The following NUBPL variants were observed in gnomAD, a reference collection of about 807,000 sequenced individuals.
NUBPL encodes the protein NUBP iron-sulfur cluster assembly factor, mitochondrial.
Under a neutral mutation model 45.7 loss-of-function variants are expected in NUBPL, and 31 were observed. The ratio of observed to expected loss-of-function variants is 0.68; its 90% CI spans 0.51 to 0.92. The LOEUF (loss-of-function observed/expected upper bound fraction) is 0.92. Ranked by LOEUF, NUBPL falls within the 40% of genes least tolerant of loss-of-function variation. The probability of loss-of-function intolerance (pLI) is 0.00; values close to 1 mark genes in which losing one functional copy is unlikely to be tolerated. For synonymous variants in NUBPL, 144 were observed against 140.9 expected (o/e 1.02, Z -0.15); for missense variants, 401 against 398.7 (o/e 1.01, Z -0.05).
intron 3 of NUBPL, among the ~76,000 whole-genome samples, chr14:31,580,539 A>C (rs1006238879): frequency 6.6e-6 from 1 of 152,184 alleles, no homozygotes; most frequent in African/African-American, 2.4e-5. Context: ...ACTTGAGCCC[A>C]GGAGTTCGAG....
intron 8 of NUBPL, chr14:31,843,808 C>T (rs1377121029): frequency 6.6e-6 from 1 of 152,202 alleles, no homozygotes; most frequent in East Asian, 1.9e-4. Flanking sequence ...TACATCAAGT[C>T]CTCTCTGTTC....
At chr14:31,777,533 C>T (rs1456092857) in intron 6 of NUBPL, among the ~76,000 whole-genome samples, 1 of 152,112 alleles carries the variant, frequency 6.6e-6, no homozygotes, top group Admixed American at 6.5e-5. Flanking sequence ...TAGGCTAGAA[C>T]AATTTTAAAG....
chr14:31,669,795 TGG>T (rs2036526121), intron 4 of NUBPL, among the ~76,000 whole-genome samples: 1 of 126,600 alleles, frequency 7.9e-6, no homozygotes, highest in Non-Finnish European at 1.6e-5. Flanking sequence ...GACATGATCT[TGG>T]TTTTTTTTTT....
At chr14:31,565,648 C>T (rs2033417414) in intron 3 of NUBPL, among the ~76,000 whole-genome samples, 1 of 152,154 alleles carries the variant, frequency 6.6e-6, no homozygotes, top group Non-Finnish European at 1.5e-5. Context: ...AACCAGTTCC[C>T]ATTTGATGAA....
intron 4 of NUBPL, among the ~76,000 whole-genome samples, chr14:31,640,614 C>CAAAAAAAAAAAAAAAAAAAAAA: frequency 1.0e-5 from 1 of 97,032 alleles, no homozygotes; most frequent in Non-Finnish European, 2.2e-5. Context: ...GACTCTGTCT[C>CAAAAAAAAAAAAAAAAAAAAAA]AAAAAAAAAA....
chr14:31,668,792 G>C (rs1202562000), intron 4 of NUBPL, among the ~76,000 whole-genome samples: 3 of 152,212 alleles, frequency 2.0e-5, no homozygotes, highest in Admixed American at 1.3e-4. Flanking sequence ...GGCTAAGGGA[G>C]GGAGGTCCCC....
intron 7 of NUBPL, among the ~76,000 whole-genome samples, chr14:31,790,842 C>G (rs2039368272): frequency 6.6e-6 from 1 of 152,094 alleles, no homozygotes. Flanking sequence ...CAAAGTGAGA[C>G]TGTCTTAAAA....
At chr14:31,706,323 G>A (rs376034311) in intron 6 of NUBPL, among the ~76,000 whole-genome samples, 15 of 152,176 alleles carry the variant, frequency 9.9e-5, no homozygotes, top group African/African-American at 3.6e-4. Flanking sequence ...GGGGTCCTCG[G>A]TAGAAGTTGT....
chr14:31,632,021 T>A (rs574714657), intron 4 of NUBPL, among the ~76,000 whole-genome samples: 97 of 152,304 alleles, frequency 6.4e-4, no homozygotes, highest in African/African-American at 2.2e-3. Context: ...TCAGTACCTG[T>A]GTTCCCATTT....
At chr14:31,651,440 T>C (rs1374877046) in intron 4 of NUBPL, among the ~76,000 whole-genome samples, 1 of 152,216 alleles carries the variant, frequency 6.6e-6, no homozygotes, top group Non-Finnish European at 1.5e-5. Context: ...GAATCACATT[T>C]TTTTTAAGGA....
intron 4 of NUBPL, among the ~76,000 whole-genome samples, chr14:31,620,554 C>A (rs1373974379): frequency 6.6e-6 from 1 of 152,152 alleles, no homozygotes; most frequent in Non-Finnish European, 1.5e-5. Context: ...TGCAGGTCTG[C>A]TGGAGTTTGC....
At chr14:31,802,853 T>C (rs1047945454) in intron 7 of NUBPL, among the ~76,000 whole-genome samples, 1 of 152,222 alleles carries the variant, frequency 6.6e-6, no homozygotes. Context: ...CTCATTCATT[T>C]AAATGAGATG....
chr14:31,760,099 TTCTATTAC>T (rs2038766321), intron 6 of NUBPL, among the ~76,000 whole-genome samples: 1 of 136,536 alleles, frequency 7.3e-6, no homozygotes, highest in African/African-American at 2.8e-5. Context: ...ACTCTATTAC[TTCTATTAC>T]TCTATTACTT....
intron 6 of NUBPL, among the ~76,000 whole-genome samples, chr14:31,698,933 C>T (rs1158128088): frequency 6.6e-6 from 1 of 151,804 alleles, no homozygotes; most frequent in African/African-American, 2.4e-5. Flanking sequence ...CGGCTCACTG[C>T]AACCTCCGCC....
chr14:31,607,737 T>G lies in NUBPL; in HGVS notation c.382+8358T>G, dbSNP rs556814541. ...AAAACAGTGAAGCACAACAACAGGATCTAGGAAATAGTCTCAAAAGGGTAA... is the reference window on the plus strand; with the variant it reads ...AAAACAGTGAAGCACAACAACAGGAGCTAGGAAATAGTCTCAAAAGGGTAA... On this transcript the variant is annotated intron_variant, in intron 4 of 10. Transcript: ENST00000281081. Among the ~76,000 whole-genome samples, 158 of 151,890 alleles carry G rather than the reference T, an allele frequency of 1.0e-3. 1 individual carries two copies. The highest frequency in any genetic ancestry group is 3.7e-3 in the African/African-American group (152 of 41,414).
intron 6 of NUBPL, among the ~76,000 whole-genome samples, chr14:31,786,414 T>A (rs1427928193): frequency 6.6e-6 from 1 of 152,208 alleles, no homozygotes; most frequent in Non-Finnish European, 1.5e-5. Context: ...CTTCACTCAC[T>A]GCTCTCTAGC....
At chr14:31,694,519 T>TA (rs1336404644) in intron 6 of NUBPL, among the ~76,000 whole-genome samples, 1 of 152,162 alleles carries the variant, frequency 6.6e-6, no homozygotes, top group Non-Finnish European at 1.5e-5. Flanking sequence ...CATACATACA[T>TA]ACATTTATTT....
At chr14:31,724,381 A>G (rs2037874847) in intron 6 of NUBPL, among the ~76,000 whole-genome samples, 1 of 152,234 alleles carries the variant, frequency 6.6e-6, no homozygotes, top group Non-Finnish European at 1.5e-5. Flanking sequence ...TGGAATTCTC[A>G]AAGCCTTTTG....
chr14:31,793,853 A>C (rs12589253), intron 7 of NUBPL, among the ~76,000 whole-genome samples: 4 of 69,642 alleles, frequency 5.7e-5, no homozygotes, highest in African/African-American at 2.3e-4. Context: ...TTTTTTTTTT[A>C]TTTTTTCCCA....
Sources: gnomAD v4.1 joint callset for allele counts (sites outside exome capture counted in the v4.1 genomes callset) on GRCh38, gnomAD v4.1.1 for gene constraint, MANE v1.5 for transcripts, NCBI Gene and HGNC (gene_info 2026-07-23, HGNC 2026-07-21) for gene names.